The following SGCE variants were observed in gnomAD, a reference collection of about 807,000 sequenced individuals.
The protein encoded by SGCE is epsilon-sarcoglycan.
Under a neutral mutation model 57.8 loss-of-function variants are expected in SGCE, and 26 were observed. The ratio of observed to expected loss-of-function variants is 0.45; its 90% confidence interval spans 0.33 to 0.62. The LOEUF is 0.62. Among genes scored for constraint, SGCE ranks in the 20% least tolerant of loss-of-function variants. The pLI, the probability that SGCE is intolerant of heterozygous loss-of-function variation, is 0.02. For missense variants in SGCE, 468 were observed against 548.6 expected (o/e 0.85, Z 1.47); for synonymous variants, 183 against 189.5 (o/e 0.97, Z 0.28).
intron 9 of SGCE, chr7:94,598,566 G>A: frequency 1.7e-6 from 1 of 579,920 alleles, no homozygotes; most frequent in Non-Finnish European, 3.1e-6. Context: ...AGTCTTGTTT[G>A]GATCAGTGGG....
intron 10 of SGCE, among the ~76,000 whole-genome samples, chr7:94,586,084 A>C (rs938111062): frequency 6.6e-6 from 1 of 150,866 alleles, no homozygotes; most frequent in Non-Finnish European, 1.5e-5. Flanking sequence ...AAAAAAAAAA[A>C]AAACAACAAC....
intron 1 of SGCE, among the ~76,000 whole-genome samples, chr7:94,631,745 A>C (rs1246622383): frequency 6.6e-6 from 1 of 152,004 alleles, no homozygotes; most frequent in Non-Finnish European, 1.5e-5. Flanking sequence ...AAGAGTTAAA[A>C]TAGGGAGTTT....
At chr7:94,641,129 C>T (rs1806324255) in intron 1 of SGCE, among the ~76,000 whole-genome samples, 1 of 152,072 alleles carries the variant, frequency 6.6e-6, no homozygotes, top group South Asian at 2.1e-4. Flanking sequence ...TAACATAAGC[C>T]AACAGAAGAG....
Position 94,618,862 on chromosome 7 carries a change from T to C in SGCE, c.558A>G (p.Ala186=). 6.2e-7 allele frequency: 1 copy of C among 1,614,084 alleles called. No individual in the cohort carries two copies. The highest frequency in any genetic ancestry group is 8.5e-7 in the Non-Finnish European group (1 of 1,179,962). ...GCTCTGGCTGCCACACATTTTTCAC[T>C]GCGCCAAGAAAGTCTCCAAGAACCT... ...ASEVLGDFLG[A]VKNVWQPERL... The change falls in exon 5 of 11, where the codon GCA becomes GCG. Residue 186 remains alanine (A), a synonymous_variant. Coordinates refer to ENST00000648936, the MANE Select transcript of SGCE (RefSeq NM_003919.3).
intron 2 of SGCE, chr7:94,629,456 A>C: frequency 5.3e-6 from 2 of 380,376 alleles, no homozygotes; most frequent in South Asian, 4.9e-5. Context: ...TTTCCATGTG[A>C]ATATAGGTAG....
intron 3 of SGCE, chr7:94,624,390 T>C: frequency 2.5e-6 from 1 of 394,458 alleles, no homozygotes. Context: ...GTTAGAACAG[T>C]AAGAATTTTG....
At chr7:94,629,569 T>G (rs1375237080) in intron 2 of SGCE, 150 bp downstream of exon 2, 1 of 740,704 alleles carries the variant, frequency 1.4e-6, no homozygotes, top group Non-Finnish European at 2.3e-6. Context: ...ATTTCTAATC[T>G]GTAAATGAGA....
intron 9 of SGCE, among the ~76,000 whole-genome samples, chr7:94,593,657 T>C (rs1192659347): frequency 6.6e-6 from 1 of 151,994 alleles, no homozygotes; most frequent in East Asian, 1.9e-4. Flanking sequence ...CTCCACACCA[T>C]TTTCCTCAGG....
In SGCE at chr7:94,654,607, C is replaced by A. The variant is rs186675005; in HGVS notation, c.109+1383G>T. Among the ~76,000 whole-genome samples the A allele has an allele frequency of 6.6e-5, 10 of 151,794 alleles. No individual in the cohort carries two copies. The Admixed American group carries it at 6.6e-4, about 10-fold the overall frequency. ...CTTTGTTAAAAAGCTGCATTTCATT[C>A]ATTCATATTCCGGATAGTGGGCATT... is the stretch of plus-strand genomic sequence containing the variant. On this transcript the variant is annotated intron_variant, in intron 1 of 10. Transcript: ENST00000648936.
chr7:94,638,426 A>G (rs555516665), intron 1 of SGCE, among the ~76,000 whole-genome samples: 3 of 152,332 alleles, frequency 2.0e-5, no homozygotes, highest in African/African-American at 7.2e-5. Context: ...GTATGAAGAA[A>G]ATGAAGTAAG....
At chr7:94,607,600 AT>A (rs1800353965) in intron 5 of SGCE, among the ~76,000 whole-genome samples, 1 of 152,244 alleles carries the variant, frequency 6.6e-6, no homozygotes, top group African/African-American at 2.4e-5. Flanking sequence ...TCCAATGGCA[AT>A]TTGTGAAAAA....
intron 1 of SGCE, among the ~76,000 whole-genome samples, chr7:94,651,141 A>T (rs1253543680): frequency 6.6e-6 from 1 of 152,172 alleles, no homozygotes; most frequent in East Asian, 1.9e-4. Flanking sequence ...TCATTTTCCT[A>T]AAGAACTGCC....
Position 94,585,127 on chromosome 7 carries a change from G to C in SGCE, c.*372C>G, listed in dbSNP as rs1490349291. ...TATTCATAGGAAGCACTAAAGTCTT[G>C]TGGAATGAGAATGAACACATAAACC... On this transcript the variant is annotated 3_prime_UTR_variant, in exon 11 of 11. Coordinates refer to ENST00000648936, the MANE Select transcript of SGCE (RefSeq NM_003919.3). The C allele has an allele frequency of 4.2e-5, 8 of 189,922 alleles. No individual in the cohort carries two copies. The East Asian group carries it at 1.0e-3, about 24-fold the overall frequency. 11.8% of individuals were successfully genotyped at this position (189,922 alleles called of 1,614,324 possible). A position where few individuals can be genotyped will look rare whatever the true frequency, so the allele number is the denominator to read the frequency against.
chr7:94,637,059 CAAA>C (rs1161470203), intron 1 of SGCE, among the ~76,000 whole-genome samples: 3 of 93,358 alleles, frequency 3.2e-5, no homozygotes, highest in Non-Finnish European at 2.2e-5. Context: ...AACTCCATCT[CAAA>C]AAAAAAAAAA....
intron 1 of SGCE, among the ~76,000 whole-genome samples, chr7:94,653,452 T>C (rs146086177): frequency 2.9e-3 from 443 of 152,144 alleles, no homozygotes; most frequent in African/African-American, 0.01. Context: ...TGGGCAGAAA[T>C]AGTCAACACC....
chr7:94,646,862 T>C (rs762820020), intron 1 of SGCE, among the ~76,000 whole-genome samples: 4 of 152,194 alleles, frequency 2.6e-5, no homozygotes, highest in Non-Finnish European at 5.9e-5. Flanking sequence ...AATCCATACA[T>C]TCTCATTGTA....
At chr7:94,648,811 A>G (rs896205410) in intron 1 of SGCE, among the ~76,000 whole-genome samples, 1 of 152,238 alleles carries the variant, frequency 6.6e-6, no homozygotes, top group Non-Finnish European at 1.5e-5. Flanking sequence ...TTCCAAGGTA[A>G]AAGAGCAACT....
intron 4 of SGCE, chr7:94,620,963 A>G (rs1280011351): frequency 6.6e-6 from 1 of 152,252 alleles, no homozygotes; most frequent in African/African-American, 2.4e-5. Flanking sequence ...ACAGTAGGCC[A>G]ACAGATTGGT....
At chr7:94,609,286 G>C (rs1289119727) in intron 5 of SGCE, among the ~76,000 whole-genome samples, 1 of 152,244 alleles carries the variant, frequency 6.6e-6, no homozygotes, top group Non-Finnish European at 1.5e-5. Context: ...CAGCACTTTT[G>C]GAGGCCAAGG....
Sources: gnomAD v4.1 joint callset for allele counts (sites outside exome capture counted in the v4.1 genomes callset) on GRCh38, gnomAD v4.1.1 for gene constraint, MANE v1.5 for transcripts, NCBI Gene and HGNC (gene_info 2026-07-23, HGNC 2026-07-21) for gene names.